The following ANKRD28 variants were observed in gnomAD, a reference collection of about 807,000 sequenced individuals.
ANKRD28 encodes serine/threonine-protein phosphatase 6 regulatory ankyrin repeat subunit A.
ANKRD28 carries 44 observed loss-of-function variants against 126.5 expected under a neutral mutation model. The observed-to-expected ratio is 0.35, with a 90% CI of 0.27 to 0.45. The LOEUF (loss-of-function observed/expected upper bound fraction) is 0.45. Among genes scored for constraint, ANKRD28 ranks in the 20% least tolerant of loss-of-function variants. The probability of loss-of-function intolerance (pLI) is 1.00; values close to 1 mark genes in which losing one functional copy is unlikely to be tolerated. For synonymous variants in ANKRD28, 442 were observed against 468.5 expected (o/e 0.94, Z 0.73); for missense variants, 1,110 against 1,316.6 (o/e 0.84, Z 2.43).
intron 3 of ANKRD28, among the ~76,000 whole-genome samples, chr3:15,756,725 G>A (rs11924845): frequency 1.3e-5 from 2 of 152,180 alleles, no homozygotes; most frequent in Admixed American, 1.3e-4. Context: ...AGGTGGATAT[G>A]AATATGTATG....
chr3:15,740,979 T>A (rs1326537899), intron 4 of ANKRD28, among the ~76,000 whole-genome samples: 2 of 152,060 alleles, frequency 1.3e-5, no homozygotes, highest in Non-Finnish European at 2.9e-5. Flanking sequence ...GGCAGGTGGA[T>A]CACGAGGTCA....
At chr3:15,738,605 G>C (rs2075201552) in intron 4 of ANKRD28, 1 of 152,240 alleles carries the variant, frequency 6.6e-6, no homozygotes. Context: ...GGGCTGTAGT[G>C]CGCTATGCCG....
At chr3:15,672,329 A>G (rs2125595291) in intron 27 of ANKRD28, among the ~76,000 whole-genome samples, 1 of 152,126 alleles carries the variant, frequency 6.6e-6, no homozygotes, top group South Asian at 2.1e-4. Flanking sequence ...TTTTGTAGAT[A>G]CAGGGTCTCG....
intron 6 of ANKRD28, among the ~76,000 whole-genome samples, chr3:15,727,430 G>A (rs1260126948): frequency 6.6e-6 from 1 of 151,918 alleles, no homozygotes; most frequent in African/African-American, 2.4e-5. Context: ...AGCCAGGTGT[G>A]GTGGCGGGTG....
At chr3:15,766,152 T>C (rs1375918925) in intron 3 of ANKRD28, 82 bp downstream of exon 3, 2 of 1,082,792 alleles carry the variant, frequency 1.8e-6, no homozygotes, top group East Asian at 2.5e-5. Flanking sequence ...GGCCATGCAG[T>C]AAATAGTCAA....
In ANKRD28 at chr3:15,797,250, G is replaced by C; in HGVS notation, c.-729C>G. 1 of 983,518 alleles carries C rather than the reference G, an allele frequency of 1.0e-6. No individual in the cohort carries two copies. The highest frequency in any genetic ancestry group is 1.2e-6 in the Non-Finnish European group (1 of 829,592). The allele number at this position is 983,518 out of a possible 1,614,324, so 60.9% of individuals were successfully genotyped here. On this transcript the variant is annotated 5_prime_UTR_variant, in exon 1 of 28. Coordinates refer to ENST00000683139, the MANE Select transcript of ANKRD28 (RefSeq NM_001349278.2). ...ACTCTGCATTAATAGCAAAGCTGCA[G>C]TACGTTTACATGTGATGAGTCAGAC... is the stretch of plus-strand genomic sequence containing the variant.
At chr3:15,788,371 C>T (rs917978300) in intron 2 of ANKRD28, among the ~76,000 whole-genome samples, 1 of 152,078 alleles carries the variant, frequency 6.6e-6, no homozygotes, top group Admixed American at 6.6e-5. Flanking sequence ...ATTTCTCTCT[C>T]AACAATATGC....
chr3:15,707,044 T>A (rs908465674), intron 14 of ANKRD28, among the ~76,000 whole-genome samples: 3 of 152,216 alleles, frequency 2.0e-5, no homozygotes, highest in Non-Finnish European at 4.4e-5. Context: ...TTGTGAAGAA[T>A]CAAATTATGC....
In ANKRD28 at chr3:15,852,184, T is replaced by C. The variant is rs139103173; in HGVS notation, c.27+7193A>G. On this transcript the variant is annotated intron_variant, in intron 1 of 27. Coordinates refer to the ANKRD28 transcript ENST00000399451. ...AACACTTAATTGTACAATTTAAGTT[T>C]GTGTGTGAATTACATCTCAATAATG... Among the ~76,000 whole-genome samples, 415 of 152,366 alleles carry C rather than the reference T, an allele frequency of 2.7e-3. 4 individuals carry two copies. Among genetic ancestry groups the C allele is most frequent in the African/African-American group, 8.7e-3 (360 of 41,588 alleles).
chr3:15,766,360 T>C, intron 2 of ANKRD28, 48 bp from the exon 3 acceptor site: 1 of 1,377,592 alleles, frequency 7.3e-7, no homozygotes, highest in Non-Finnish European at 1.0e-6. Flanking sequence ...ATAAGATTAA[T>C]TTTAATAATA....
chr3:15,676,107 G>A (rs17041435), intron 26 of ANKRD28, 118 bp from the exon 27 acceptor site: 67,041 of 686,448 alleles, frequency 0.098, 3,842 homozygotes, highest in Middle Eastern at 0.14. Flanking sequence ...GTACAAACTC[G>A]AGAAACCTAG....
At chr3:15,850,224 T>TATATATATATATATATAGAGAGAGAG (rs1418223588) in intron 1 of ANKRD28, among the ~76,000 whole-genome samples, 13 of 35,106 alleles carry the variant, frequency 3.7e-4, no homozygotes, top group Non-Finnish European at 5.4e-4. Flanking sequence ...TATATATATA[T>TATATATATATATATATAGAGAGAGAG]AGAGAGAGAG....
At chr3:15,711,148 T>C in intron 12 of ANKRD28, 63 bp downstream of exon 12, 1 of 1,360,358 alleles carries the variant, frequency 7.4e-7, no homozygotes, top group Non-Finnish European at 1.0e-6. Flanking sequence ...AGAACAAAGA[T>C]AAGAGAAAAC....
Position 15,846,431 on chromosome 3 carries a change from C to T in ANKRD28, c.27+12946G>A, listed in dbSNP as rs536714392. 1.4e-4 allele frequency among the ~76,000 whole-genome samples: 21 copies of T among 152,294 alleles called. No homozygotes were observed. The highest frequency in any genetic ancestry group is 4.6e-4 in the African/African-American group (19 of 41,554). Reference sequence around the variant, plus strand: ...CTCTCAAGGCCTTGGGCAGCTCTGCCCCTGTGGCTCTGCAGGGTAAAGCCC... The same window carrying T: ...CTCTCAAGGCCTTGGGCAGCTCTGCTCCTGTGGCTCTGCAGGGTAAAGCCC... On this transcript the variant is annotated intron_variant, in intron 1 of 27. Coordinates refer to the ANKRD28 transcript ENST00000399451. The surrounding 1 kb of genome is among the most constrained non-coding windows in gnomAD (Gnocchi z 5.4).
upstream of ANKRD28, chr3:15,798,168 C>T (rs1458835843): frequency 2.0e-6 from 2 of 985,254 alleles, no homozygotes; most frequent in Non-Finnish European, 2.4e-6. Context: ...TGGTGTACTG[C>T]CTCTGCTGAC....
At chr3:15,761,976 A>ACCT (rs1306106674) in intron 3 of ANKRD28, among the ~76,000 whole-genome samples, 47 of 152,172 alleles carry the variant, frequency 3.1e-4, no homozygotes, top group African/African-American at 9.9e-4. Context: ...ACCTGGGGTC[A>ACCT]GGAGTTCGAG....
intron 11 of ANKRD28, among the ~76,000 whole-genome samples, 195 bp downstream of exon 11, chr3:15,711,945 C>G (rs1013444795): frequency 6.6e-6 from 1 of 151,970 alleles, no homozygotes; most frequent in Admixed American, 6.6e-5. Context: ...ATCTGCCTGT[C>G]TCGGCCTCCC....
chr3:15,726,771 G>A (rs1416258017), intron 6 of ANKRD28, among the ~76,000 whole-genome samples: 1 of 152,224 alleles, frequency 6.6e-6, no homozygotes, highest in Non-Finnish European at 1.5e-5. Context: ...TTCGTTGCTA[G>A]AGAGAAATCT....
intron 4 of ANKRD28, among the ~76,000 whole-genome samples, chr3:15,750,564 C>G (rs1488557139): frequency 6.6e-6 from 1 of 152,188 alleles, no homozygotes; most frequent in Non-Finnish European, 1.5e-5. Context: ...TGTCCCCATC[C>G]TTCTCCTAAC....
Sources: gnomAD v4.1 joint callset for allele counts (sites outside exome capture counted in the v4.1 genomes callset) on GRCh38, gnomAD v4.1.1 for gene constraint, Gnocchi (gnomAD v3.1) non-coding constraint, MANE v1.5 for transcripts, NCBI Gene and HGNC (gene_info 2026-07-23, HGNC 2026-07-21) for gene names.